PCDHGB5: variants seen among roughly 807,000 people sequenced by gnomAD.
PCDHGB5 encodes the protein protocadherin gamma subfamily B, 5.
In PCDHGB5, 48 loss-of-function variants were observed where a neutral mutation model predicts 62.9. The ratio of observed to expected loss-of-function variants is 0.76; its 90% confidence interval spans 0.61 to 0.97. The LOEUF (loss-of-function observed/expected upper bound fraction) is 0.97, where lower values mean the gene tolerates loss of function less well. Ranked by LOEUF, PCDHGB5 falls within the 50% of genes least tolerant of loss-of-function variation. The probability of loss-of-function intolerance (pLI) is 0.00; values close to 1 mark genes in which losing one functional copy is unlikely to be tolerated. For missense variants in PCDHGB5, 1,118 were observed against 1,198.6 expected (o/e 0.93, Z 0.99); for synonymous variants, 474 against 511.2 (o/e 0.93, Z 0.98).
chr5:141,429,204 A>ACACACACG, intron 1 of PCDHGB5: 1 of 150,162 alleles, frequency 6.7e-6, no homozygotes, highest in Non-Finnish European at 1.5e-5. Context: ...ACACACACAC[A>ACACACACG]CGTGTGAAAA....
intron 1 of PCDHGB5, among the ~76,000 whole-genome samples, chr5:141,436,122 C>T (rs909678739): frequency 4.6e-5 from 7 of 152,128 alleles, no homozygotes; most frequent in African/African-American, 7.2e-5. Flanking sequence ...AACCTCTCTC[C>T]TCCATCATCT....
chr5:141,500,618 C>T (rs554274946), intron 2 of PCDHGB5, among the ~76,000 whole-genome samples: 1 of 152,262 alleles, frequency 6.6e-6, no homozygotes, highest in South Asian at 2.1e-4. Flanking sequence ...CCCAGTCATA[C>T]GGTACATTTC....
rs1412764202 is a variant in PCDHGB5, at chr5:141,486,708, C to T, written c.2398-8099C>T. The T allele has an allele frequency of 1.2e-6, 2 of 1,614,062 alleles. No individual in the cohort carries two copies. Among genetic ancestry groups the T allele is most frequent in the Non-Finnish European group, 1.7e-6 (2 of 1,180,054 alleles). ...GCTTCCTCTTTCATCTCTCTGAACC[C>T]CCAGACAGGAGCTGTTCATGCTACT... On this transcript the variant is annotated intron_variant, in intron 1 of 3. Coordinates refer to ENST00000617380, the MANE Select transcript of PCDHGB5 (RefSeq NM_018925.3). This position sits in a 1 kb window ranked among gnomAD's most constrained non-coding sequence, Gnocchi z 5.0.
intron 1 of PCDHGB5, among the ~76,000 whole-genome samples, chr5:141,407,310 T>C (rs1468156890): frequency 6.6e-6 from 1 of 152,224 alleles, no homozygotes; most frequent in Non-Finnish European, 1.5e-5. Context: ...GTAGCCTTCA[T>C]ACTTAGTATT....
At chr5:141,502,862 CTGTCT>C (rs2099816366) in intron 2 of PCDHGB5, among the ~76,000 whole-genome samples, 2 of 68,560 alleles carry the variant, frequency 2.9e-5, no homozygotes, top group Admixed American at 3.3e-4. Flanking sequence ...CCCTGACTCT[CTGTCT>C]TTTTTTTTTT....
At chr5:141,464,580 G>A (rs1459502164) in intron 1 of PCDHGB5, among the ~76,000 whole-genome samples, 1 of 152,118 alleles carries the variant, frequency 6.6e-6, no homozygotes, top group East Asian at 1.9e-4. Context: ...AGATGAGAAT[G>A]TCCATTGTCC....
chr5:141,422,136 AGTACGGGG>A (rs772818860), intron 1 of PCDHGB5: 9 of 1,588,992 alleles, frequency 5.7e-6, no homozygotes, highest in Non-Finnish European at 7.7e-6. Flanking sequence ...GAGAAGTTCA[AGTACGGGG>A]GTCTCTGGAT....
rs1163353349 is a variant in PCDHGB5, at chr5:141,489,426, G to C, written c.2398-5381G>C. 6.2e-7 allele frequency: 1 copy of C among 1,614,012 alleles called. No homozygotes were observed. The highest frequency in any genetic ancestry group is 1.3e-5 in the African/African-American group (1 of 74,922). ...TAAAGATGACAGATCTGTTGAGCCGGCGGCTGCAATTGGGCTCTGAGGAGA... is the reference window on the plus strand; with the variant it reads ...TAAAGATGACAGATCTGTTGAGCCGCCGGCTGCAATTGGGCTCTGAGGAGA... On this transcript the variant is annotated intron_variant, in intron 1 of 3. Transcript: ENST00000617380. The surrounding 1 kb of genome is among the most constrained non-coding windows in gnomAD (Gnocchi z 4.5).
intron 1 of PCDHGB5, chr5:141,440,534 C>A (rs562736984): frequency 1.3e-5 from 2 of 152,188 alleles, no homozygotes; most frequent in East Asian, 3.9e-4. Flanking sequence ...TCATGCACCA[C>A]GGTTCAGCAG....
At position 141,490,960 on chromosome 5, in the gene PCDHGB5, T is replaced by G. The variant is rs1384140919; in HGVS notation, c.2398-3847T>G. 1.9e-6 allele frequency: 3 copies of G among 1,613,794 alleles called. No individual in the cohort carries two copies. In the Admixed American group the frequency reaches 5.0e-5, roughly 27 times the overall value. On this transcript the variant is annotated intron_variant, in intron 1 of 3. Transcript: ENST00000617380. The surrounding 1 kb of genome is among the most constrained non-coding windows in gnomAD (Gnocchi z 5.4). ...GCACCCACGGCCAGACTGGGAACAC[T>G]CAGCCCCCCAGCGTCTCCCTCGCTC...
rs541058758 is a variant in PCDHGB5 at position 141,398,061 on chromosome 5, A to G, written c.-67A>G. The G allele has an allele frequency of 5.6e-4, 863 of 1,544,254 alleles. No homozygotes were observed. Among genetic ancestry groups the G allele is most frequent in the Middle Eastern group, 1.5e-3 (7 of 4,544 alleles). ...AGCCCGTTCGGAGATCCAAAAATCT[A>G]CAATACAGAGGTTATTTGTAACCTG... On this transcript the variant is annotated 5_prime_UTR_variant, in exon 1 of 4. Transcript: ENST00000617380.
intron 1 of PCDHGB5, chr5:141,421,587 G>A: frequency 1.2e-6 from 2 of 1,613,900 alleles, no homozygotes; most frequent in South Asian, 1.1e-5. Context: ...TTTACGGAGT[G>A]GAGGTGGAAA....
intron 1 of PCDHGB5, chr5:141,416,530 G>C (rs976560428): frequency 6.6e-6 from 1 of 152,160 alleles, no homozygotes; most frequent in Non-Finnish European, 1.5e-5. Context: ...GCTCTTTAAT[G>C]TATAAGGAGG....
At chr5:141,469,780 G>A (rs775691161) in intron 1 of PCDHGB5, among the ~76,000 whole-genome samples, 12 of 152,080 alleles carry the variant, frequency 7.9e-5, no homozygotes, top group Non-Finnish European at 1.8e-4. Context: ...ATTTATTACA[G>A]CGTTATTTGT....
At chr5:141,481,323 C>T (rs539518691) in intron 1 of PCDHGB5, among the ~76,000 whole-genome samples, 1 of 152,284 alleles carries the variant, frequency 6.6e-6, no homozygotes, top group Non-Finnish European at 1.5e-5. Flanking sequence ...AAAGCACTAG[C>T]CCCTGGACAA....
At chr5:141,404,096 G>C in intron 1 of PCDHGB5, 1 of 1,613,610 alleles carries the variant, frequency 6.2e-7, no homozygotes, top group Non-Finnish European at 8.5e-7. Flanking sequence ...GAATGGTCAA[G>C]TTGTCTGTTC....
intron 1 of PCDHGB5, among the ~76,000 whole-genome samples, chr5:141,439,251 A>G (rs1467023466): frequency 6.6e-6 from 1 of 152,112 alleles, no homozygotes; most frequent in Non-Finnish European, 1.5e-5. Context: ...ATTTCAGCTG[A>G]AGATTCAGCC....
chr5:141,426,371 C>T (rs987346395), intron 1 of PCDHGB5: 4 of 217,048 alleles, frequency 1.8e-5, no homozygotes, highest in African/African-American at 9.0e-5. Context: ...TGCGGGGCAC[C>T]CTCGGAGCAG....
Position 141,421,056 on chromosome 5 carries a change from A to G in PCDHGB5, c.2397+20532A>G, listed in dbSNP as rs1378326708. On this transcript the variant is annotated intron_variant, in intron 1 of 3. Coordinates refer to ENST00000617380, the MANE Select transcript of PCDHGB5 (RefSeq NM_018925.3). ...TCCCTCCCTCCCCCGCCTCTACCACACAAAGCGGAATGAGATGGATACTCA... is the reference window on the plus strand; with the variant it reads ...TCCCTCCCTCCCCCGCCTCTACCACGCAAAGCGGAATGAGATGGATACTCA... 5 of 576,490 alleles carry G rather than the reference A, an allele frequency of 8.7e-6. No individual in the cohort carries two copies. In the East Asian group the frequency reaches 9.2e-5, roughly 11 times the overall value. The allele number at this position is 576,490 out of a possible 1,614,324, so 35.7% of individuals were successfully genotyped here. A position where few individuals can be genotyped will look rare whatever the true frequency, so the allele number is the denominator to read the frequency against.
Sources: allele counts gnomAD v4.1 joint callset (sites outside exome capture counted in the v4.1 genomes callset), GRCh38; gene constraint gnomAD v4.1.1; non-coding constraint Gnocchi (gnomAD v3.1); transcripts MANE v1.5; gene names NCBI Gene and HGNC (gene_info 2026-07-23, HGNC 2026-07-21).